ZNF823: variants seen among roughly 807,000 people sequenced by gnomAD.
ZNF823 encodes the protein ZFP 36 for a zinc finger protein.
Under a neutral mutation model 11.4 loss-of-function variants are expected in ZNF823, and 5 were observed. The ratio of observed to expected loss-of-function variants is 0.44; its 90% CI spans 0.23 to 0.92. The LOEUF (loss-of-function observed/expected upper bound fraction) is 0.92. Among genes scored for constraint, ZNF823 ranks in the 40% least tolerant of loss-of-function variants. The pLI, the probability that ZNF823 is intolerant of heterozygous loss-of-function variation, is 0.24. For synonymous variants in ZNF823, 234 were observed against 250.5 expected (o/e 0.93, Z 0.62); for missense variants, 582 against 738.5 (o/e 0.79, Z 2.46).
intron 3 of ZNF823, among the ~76,000 whole-genome samples, chr19:11,723,631 T>C (rs866823146): frequency 5.3e-5 from 8 of 152,320 alleles, no homozygotes; most frequent in African/African-American, 1.9e-4. Flanking sequence ...CTGCAACCTC[T>C]GCCTCTCGGA....
At chr19:11,735,281 C>CAA (rs60923876) in intron 1 of ZNF823, among the ~76,000 whole-genome samples, 2,040 of 99,210 alleles carry the variant, frequency 0.021, 34 homozygotes, top group Middle Eastern at 0.061. Flanking sequence ...TTTCAAAAAA[C>CAA]AAAAAAAAAA....
intron 3 of ZNF823, 112 bp downstream of exon 3, chr19:11,724,082 A>T: frequency 2.3e-6 from 2 of 856,584 alleles, no homozygotes; most frequent in South Asian, 4.2e-5. Context: ...GAATTATTGG[A>T]ATGAATAAAT....
chr19:11,733,465 C>T (rs1974939918), intron 1 of ZNF823, among the ~76,000 whole-genome samples: 1 of 151,798 alleles, frequency 6.6e-6, no homozygotes, highest in Admixed American at 6.6e-5. Flanking sequence ...CTTTGGGAGG[C>T]CGAGGTAGGA....
chr19:11,737,332 T>C (rs555856566), intron 1 of ZNF823, among the ~76,000 whole-genome samples: 1 of 152,288 alleles, frequency 6.6e-6, no homozygotes, highest in African/African-American at 2.4e-5. Context: ...GGCGTGATCT[T>C]GGCTCACCGC....
chr19:11,731,155 A>G (rs1056495369), intron 1 of ZNF823, among the ~76,000 whole-genome samples: 10 of 152,044 alleles, frequency 6.6e-5, no homozygotes, highest in African/African-American at 2.4e-4. Context: ...TCTACTAAAA[A>G]TACAAAATTA....
At position 11,721,763 on chromosome 19, in the gene ZNF823, C is replaced by A. The variant is rs1294000208; in HGVS notation, c.1771G>T (p.Ala591Ser). 1.9e-6 allele frequency: 3 copies of A among 1,614,020 alleles called. No homozygotes were observed. The highest frequency in any genetic ancestry group is 2.5e-6 in the Non-Finnish European group (3 of 1,179,998). ...KLYECKECGK[A>S]LSSLRSLHRH... ...TGCAAGGAACGGAGAGAACTCAATGCTTTCCCACATTCCTTACATTCATAC... is the reference window on the plus strand; with the variant it reads ...TGCAAGGAACGGAGAGAACTCAATGATTTCCCACATTCCTTACATTCATAC... The change falls in exon 4 of 4, where the codon GCA (alanine) becomes TCA (serine). Residue 591 changes from alanine (A) to serine (S), a missense_variant. Physicochemically the swap from Ala to Ser is moderately conservative, Grantham distance 99. Coordinates refer to ENST00000341191, the MANE Select transcript of ZNF823 (RefSeq NM_001080493.4).
Position 11,738,805 on chromosome 19 carries a change from C to A in ZNF823, c.3+12G>T. On this transcript the variant is annotated intron_variant, in intron 1 of 3. Transcript: ENST00000341191. ...CTTCTTTGCCTCGGGACGCCGGGCC[C>A]CGCACACTCACCATTTCCCAGCTTC... 1 of 1,610,482 alleles carries A rather than the reference C, an allele frequency of 6.2e-7. No homozygotes were observed.
chr19:11,733,908 G>C (rs2145220262), intron 1 of ZNF823, among the ~76,000 whole-genome samples: 1 of 152,110 alleles, frequency 6.6e-6, no homozygotes, highest in East Asian at 1.9e-4. Flanking sequence ...TTTAACCCCA[G>C]CTCTGTAATC....
chr19:11,723,037 C>T lies in ZNF823; in HGVS notation c.497G>A (p.Cys166Tyr). The T allele has an allele frequency of 2.5e-6, 4 of 1,614,196 alleles. No homozygotes were observed. The highest frequency in any genetic ancestry group is 3.4e-6 in the Non-Finnish European group (4 of 1,180,026). ...RPPTGKKPFD[C>Y]KECAKTFSSL... Reference sequence around the variant, plus strand: ...ACTAAAGGTTTTTGCACATTCTTTACAATCGAAGGGTTTCTTTCCGGTGGG... The same window carrying T: ...ACTAAAGGTTTTTGCACATTCTTTATAATCGAAGGGTTTCTTTCCGGTGGG... Residue 166 changes from cysteine (C) to tyrosine (Y), a missense_variant, in exon 4 of 4, where the codon TGT (cysteine) becomes TAT (tyrosine). By Grantham distance (194) the Cys-to-Tyr change is radical. Transcript: ENST00000341191.
At chr19:11,734,219 A>G (rs2145220691) in intron 1 of ZNF823, among the ~76,000 whole-genome samples, 1 of 151,072 alleles carries the variant, frequency 6.6e-6, no homozygotes, top group East Asian at 1.9e-4. Flanking sequence ...CCAGCCTGGG[A>G]AACAGAGTGA....
At chr19:11,735,872 G>A (rs914618231) in intron 1 of ZNF823, among the ~76,000 whole-genome samples, 72 of 152,186 alleles carry the variant, frequency 4.7e-4, no homozygotes, top group African/African-American at 1.5e-3. Flanking sequence ...GTATCTATCC[G>A]TTTCAGAAAA....
At chr19:11,724,367 C>A in intron 2 of ZNF823, 113 bp from the exon 3 acceptor site, 1 of 894,196 alleles carries the variant, frequency 1.1e-6, no homozygotes, top group Non-Finnish European at 1.7e-6. Context: ...GTACATGTGA[C>A]TCTTCAACAA....
chr19:11,730,670 C>G (rs1396471929), intron 1 of ZNF823: 1 of 152,110 alleles, frequency 6.6e-6, no homozygotes, highest in Non-Finnish European at 1.5e-5. Context: ...CGATGTTAAT[C>G]AGTAAAAAGC....
At chr19:11,737,112 C>T (rs181317846) in intron 1 of ZNF823, among the ~76,000 whole-genome samples, 208 of 152,184 alleles carry the variant, frequency 1.4e-3, no homozygotes, top group Non-Finnish European at 2.5e-3. Context: ...TGGAGCAGCC[C>T]CAAACAGTTC....
At chr19:11,729,975 C>T (rs1440044936) in intron 1 of ZNF823, among the ~76,000 whole-genome samples, 1 of 149,594 alleles carries the variant, frequency 6.7e-6, no homozygotes, top group African/African-American at 2.5e-5. Flanking sequence ...GTTGCCCAGG[C>T]TGGAGTGCAA....
At chr19:11,733,365 C>CA (rs34650100) in intron 1 of ZNF823, among the ~76,000 whole-genome samples, 33,595 of 94,926 alleles carry the variant, frequency 0.35, 5,212 homozygotes, top group East Asian at 0.45. Flanking sequence ...GACTCCATCT[C>CA]AAAAAAAAAA....
At chr19:11,725,029 CAA>C (rs1260861252) in intron 2 of ZNF823, among the ~76,000 whole-genome samples, 170 bp downstream of exon 2, 1 of 151,948 alleles carries the variant, frequency 6.6e-6, no homozygotes. Context: ...TTGCGGGGGA[CAA>C]AAAAAGTTAT....
In ZNF823 at chr19:11,738,918, G is replaced by C; in HGVS notation, c.-99C>G. 1.4e-6 allele frequency: 2 copies of C among 1,468,260 alleles called. No individual in the cohort carries two copies. The highest frequency in any genetic ancestry group is 1.8e-6 in the Non-Finnish European group (2 of 1,095,708). The allele number at this position is 1,468,260 out of a possible 1,614,324, so 91.0% of individuals were successfully genotyped here. A position where few individuals can be genotyped will look rare whatever the true frequency, so the allele number is the denominator to read the frequency against. ...GACCTTCCAGGGCGTCTCTCTCTCA[G>C]CGCCAGAGCCAGGACTCAGAGCGCA... On this transcript the variant is annotated 5_prime_UTR_variant, in exon 1 of 4. Coordinates refer to ENST00000341191, the MANE Select transcript of ZNF823 (RefSeq NM_001080493.4).
At position 11,722,959 on chromosome 19, in the gene ZNF823, T is replaced by C; in HGVS notation, c.575A>G (p.Tyr192Cys). The C allele has an allele frequency of 1.2e-6, 2 of 1,614,240 alleles. No homozygotes were observed. The highest frequency in any genetic ancestry group is 1.7e-6 in the Non-Finnish European group (2 of 1,180,036). The change falls in exon 4 of 4, where the codon TAT becomes TGT. Residue 192 changes from tyrosine (Y) to cysteine (C), a missense_variant. Transcript: ENST00000341191. The surrounding 1 kb of genome is among the most constrained non-coding windows in gnomAD (Gnocchi z 5.2). ...GGCTTTCCCACACAACTTACATTTA[T>C]AAGGTCCATCTCCATGGTGTGCCGC... ...HMAAHHGDGP[Y>C]KCKLCGKAFV...
Sources: allele counts gnomAD v4.1 joint callset (sites outside exome capture counted in the v4.1 genomes callset), GRCh38; gene constraint gnomAD v4.1.1; non-coding constraint Gnocchi (gnomAD v3.1); transcripts MANE v1.5; gene names NCBI Gene and HGNC (gene_info 2026-07-23, HGNC 2026-07-21).